Variants in PTP4A3 observed in about 807,000 individuals in gnomAD.
PTP4A3 encodes protein tyrosine phosphatase 4A3.
A neutral mutation model predicts 15.2 loss-of-function variants in PTP4A3; 9 were observed. The ratio of observed to expected loss-of-function variants is 0.59; its 90% CI spans 0.36 to 1.03. The LOEUF is 1.03. PTP4A3 is among the 50% of genes least tolerant of loss of function. The pLI is 0.02. For synonymous variants in PTP4A3, 95 were observed against 102.0 expected (o/e 0.93, Z 0.41); for missense variants, 234 against 252.1 (o/e 0.93, Z 0.49).
intron 3 of PTP4A3, 119 bp from the exon 4 acceptor site, chr8:141,426,820 C>A: frequency 6.8e-7 from 1 of 1,460,140 alleles, no homozygotes; most frequent in South Asian, 1.3e-5. Context: ...CTGCTGCCCC[C>A]ACCCTAGTGG....
chr8:141,427,072 G>A lies in PTP4A3; in HGVS notation c.329+3G>A. ...CACTGCGTGGCGGGCCTGGGCCGGT[G>A]AGTGTCGGGGCGGGGTAGGGCTCGC... is the stretch of plus-strand genomic sequence containing the variant. On this transcript the variant is annotated splice_donor_region_variant and intron_variant, in intron 4 of 5. Transcript: ENST00000521578. 2 of 1,597,518 alleles carry A rather than the reference G, an allele frequency of 1.3e-6. No homozygotes were observed. The highest frequency in any genetic ancestry group is 1.7e-6 in the Non-Finnish European group (2 of 1,179,082).
At chr8:141,428,203 G>A (rs1007293911) in intron 5 of PTP4A3, among the ~76,000 whole-genome samples, 4 of 152,102 alleles carry the variant, frequency 2.6e-5, no homozygotes, top group African/African-American at 9.7e-5. Flanking sequence ...TCCACCCCCA[G>A]GGACGCTGAC....
intron 1 of PTP4A3, among the ~76,000 whole-genome samples, chr8:141,420,019 C>T (rs954319509): frequency 1.3e-5 from 2 of 152,204 alleles, no homozygotes; most frequent in East Asian, 3.8e-4. Context: ...CAGGTAGCCA[C>T]CCTCTGAGTC....
In PTP4A3 at chr8:141,400,525, G is replaced by A. The variant is rs116339969; in HGVS notation, c.-854+8441G>A. Among the ~76,000 whole-genome samples, 1,210 of 152,274 alleles carry A rather than the reference G, an allele frequency of 7.9e-3. 7 individuals carry two copies. Among genetic ancestry groups the A allele is most frequent in the African/African-American group, 0.02 (845 of 41,544 alleles). The stretch of plus-strand genomic sequence containing the variant: ...TGGCACCCTTGGACCCTGGTCTCTG[G>A]GTCTGGTCAGATGCTTGTTTATTAA... On this transcript the variant is annotated intron_variant, in intron 1 of 5. Transcript: ENST00000521578.
Position 141,427,783 on chromosome 8 carries a change from G to C in PTP4A3, c.363G>C (p.Glu121Asp). 1 of 1,552,066 alleles carries C rather than the reference G, an allele frequency of 6.4e-7. No homozygotes were observed. The highest frequency in any genetic ancestry group is 1.4e-5 in the African/African-American group (1 of 73,254). Residue 121 changes from glutamate to aspartate, a missense_variant, in exon 5 of 6, where the codon GAG becomes GAC. Transcript: ENST00000521578. ...APVLVALALI[E>D]SGMKYEDAIQ... ...TCCTTGTGGCGCTGGCCCTTATTGA[G>C]AGCGGGATGAAGTACGAGGACGCCA... is the stretch of plus-strand genomic sequence containing the variant.
chr8:141,422,479 C>T, intron 2 of PTP4A3, 134 bp downstream of exon 2: 1 of 937,272 alleles, frequency 1.1e-6, no homozygotes, highest in Non-Finnish European at 1.6e-6. Context: ...GGAACAAAGC[C>T]CAGTCGCCTG....
intron 1 of PTP4A3, among the ~76,000 whole-genome samples, chr8:141,407,568 ATT>A (rs34070633): frequency 5.7e-5 from 8 of 139,830 alleles, no homozygotes; most frequent in Admixed American, 1.4e-4. Flanking sequence ...TAAACTTTCT[ATT>A]TTTTTTTTTT....
chr8:141,417,452 C>A (rs759574916), intron 1 of PTP4A3, among the ~76,000 whole-genome samples: 20 of 152,054 alleles, frequency 1.3e-4, no homozygotes, highest in Non-Finnish European at 2.8e-4. Flanking sequence ...GCGCCCTCCT[C>A]CTCAGGGTGC....
intron 1 of PTP4A3, among the ~76,000 whole-genome samples, chr8:141,405,997 C>A (rs1016438202): frequency 2.0e-5 from 3 of 152,012 alleles, no homozygotes; most frequent in African/African-American, 7.2e-5. Context: ...GGGCAGGGAG[C>A]AGCTCGCGTG....
At chr8:141,402,736 C>T (rs1184853231) in intron 1 of PTP4A3, among the ~76,000 whole-genome samples, 2 of 151,948 alleles carry the variant, frequency 1.3e-5, no homozygotes, top group African/African-American at 2.4e-5. Flanking sequence ...CCCACCCCTC[C>T]CCCCTGCTTC....
At chr8:141,414,362 C>G (rs1832957158) in intron 1 of PTP4A3, among the ~76,000 whole-genome samples, 1 of 128,306 alleles carries the variant, frequency 7.8e-6, no homozygotes, top group South Asian at 2.6e-4. Context: ...GTCTGGGGGC[C>G]CAGCCTGGTG....
In PTP4A3 at chr8:141,424,518, TC is replaced by T. The variant is rs575891410; in HGVS notation, c.106-529del. ...CCTGCGGCTCAGCTGGGGTCGCTGT[TC>T]GGATGCAGGGGCTCACACGTGGGCT... On this transcript the variant is annotated intron_variant, in intron 2 of 5. Transcript: ENST00000521578. 2.2e-4 allele frequency among the ~76,000 whole-genome samples: 34 copies of T among 152,116 alleles called. No individual in the cohort carries two copies. The East Asian group carries it at 5.8e-3, about 26-fold the overall frequency.
intron 1 of PTP4A3, among the ~76,000 whole-genome samples, chr8:141,412,778 T>C (rs1832904086): frequency 6.6e-6 from 1 of 152,186 alleles, no homozygotes; most frequent in Admixed American, 6.5e-5. Context: ...TGTATTCTCA[T>C]CTGGTGATGG....
In PTP4A3 at chr8:141,420,029, C is replaced by A. The variant is rs548504421; in HGVS notation, c.-853-1359C>A. ...TGTCCCAGGTAGCCACCCTCTGAGT[C>A]CAGGGGCCCAGGCCTCAAGCCCTAC... On this transcript the variant is annotated intron_variant, in intron 1 of 5. Coordinates refer to ENST00000521578, the MANE Select transcript of PTP4A3 (RefSeq NM_032611.3). Among the ~76,000 whole-genome samples, 76 of 152,306 alleles carry A rather than the reference C, an allele frequency of 5.0e-4. 1 individual carries two copies. The East Asian group carries it at 0.014, about 28-fold the overall frequency.
At chr8:141,417,462 CA>C (rs1833099792) in intron 1 of PTP4A3, among the ~76,000 whole-genome samples, 1 of 152,086 alleles carries the variant, frequency 6.6e-6, no homozygotes, top group South Asian at 2.1e-4. Context: ...CCTCAGGGTG[CA>C]GGACAGCACC....
chr8:141,421,969 G>C lies in PTP4A3; in HGVS notation c.-272G>C, dbSNP rs917034410. The C allele has an allele frequency of 1.4e-5, 6 of 433,138 alleles. No homozygotes were observed. The highest frequency in any genetic ancestry group is 5.9e-4 in the Middle Eastern group (1 of 1,690). 26.8% of individuals were successfully genotyped at this position (433,138 alleles called of 1,614,324 possible). A position where few individuals can be genotyped will look rare whatever the true frequency, so the allele number is the denominator to read the frequency against. On this transcript the variant is annotated 5_prime_UTR_variant, in exon 2 of 6. Coordinates refer to ENST00000521578, the MANE Select transcript of PTP4A3 (RefSeq NM_032611.3). ...CCCGCTTTACTTTGGTTGGGTTGGG[G>C]GGGGCGGCGGGCTGTTTTGTTCCTT...
chr8:141,431,351 G>T lies in PTP4A3; in HGVS notation c.*307G>T. ...CGCCCCCTCCCACACCAGCCAGGCTGGTCTCCTCTAGCCTGTTTGTTGTGG... is the reference window on the plus strand; with the variant it reads ...CGCCCCCTCCCACACCAGCCAGGCTTGTCTCCTCTAGCCTGTTTGTTGTGG... On this transcript the variant is annotated 3_prime_UTR_variant, in exon 6 of 6. Transcript: ENST00000521578. The T allele has an allele frequency of 2.1e-6, 1 of 478,516 alleles. No homozygotes were observed. Among genetic ancestry groups the T allele is most frequent in the Non-Finnish European group, 3.8e-6 (1 of 266,412 alleles). 29.6% of individuals were successfully genotyped at this position (478,516 alleles called of 1,614,324 possible). A position where few individuals can be genotyped will look rare whatever the true frequency, so the allele number is the denominator to read the frequency against.
rs974547404 is a variant in PTP4A3, at chr8:141,406,381, A to T, written c.-854+14297A>T. Among the ~76,000 whole-genome samples, 2 of 152,102 alleles carry T rather than the reference A, an allele frequency of 1.3e-5. No individual in the cohort carries two copies. The highest frequency in any genetic ancestry group is 1.3e-4 in the Admixed American group (2 of 15,284). On this transcript the variant is annotated intron_variant, in intron 1 of 5. Coordinates refer to ENST00000521578, the MANE Select transcript of PTP4A3 (RefSeq NM_032611.3). This position sits in a 1 kb window ranked among gnomAD's most constrained non-coding sequence, Gnocchi z 4.5. ...AAGCACTTCTGAGAAGCCGGGGAGC[A>T]GTTCCCTGGGGTTTCCCCTGGGAAG...
At position 141,431,223 on chromosome 8, in the gene PTP4A3, G is replaced by T; in HGVS notation, c.*179G>T. ...GTGTCCGAGGAGCGAGGAGCCCCTC[G>T]GGCCCTGGGTGGCCTCTGGGCCCTT... On this transcript the variant is annotated 3_prime_UTR_variant, in exon 6 of 6. Coordinates refer to ENST00000521578, the MANE Select transcript of PTP4A3 (RefSeq NM_032611.3). 1 of 622,268 alleles carries T rather than the reference G, an allele frequency of 1.6e-6. No individual in the cohort carries two copies. 38.5% of individuals were successfully genotyped at this position (622,268 alleles called of 1,614,324 possible).
Sources: allele counts gnomAD v4.1 joint callset (sites outside exome capture counted in the v4.1 genomes callset), GRCh38; gene constraint gnomAD v4.1.1; non-coding constraint Gnocchi (gnomAD v3.1); transcripts MANE v1.5; gene names NCBI Gene and HGNC (gene_info 2026-07-23, HGNC 2026-07-21).